Variants in COL19A1 observed in about 807,000 individuals in gnomAD.
The protein encoded by COL19A1 is collagen alpha-1(XIX) chain.
Under a neutral mutation model 190.2 loss-of-function variants are expected in COL19A1, and 159 were observed. The observed-to-expected ratio is 0.84, with a 90% CI of 0.73 to 0.95. The LOEUF is 0.95. COL19A1 is among the 40% of genes least tolerant of loss of function. The pLI is 0.00. For missense variants in COL19A1, 1,418 were observed against 1,431.9 expected, an observed-to-expected ratio of 0.99 and a Z score of 0.16; for synonymous variants, 509 against 458.9, an observed-to-expected ratio of 1.11 and a Z score of -1.39.
At chr6:70,174,360 G>C (rs1172695916) in intron 41 of COL19A1, among the ~76,000 whole-genome samples, 1 of 152,178 alleles carries the variant, frequency 6.6e-6, no homozygotes, top group Non-Finnish European at 1.5e-5. Context: ...CTGAGGTCAG[G>C]AGTTCAAGAC....
At chr6:70,106,286 A>G (rs1783953866) in intron 16 of COL19A1, among the ~76,000 whole-genome samples, 1 of 151,740 alleles carries the variant, frequency 6.6e-6, no homozygotes, top group Non-Finnish European at 1.5e-5. Flanking sequence ...CAAAAGGACA[A>G]CTTGTTTACC....
chr6:69,933,654 A>G (rs1772923302), intron 7 of COL19A1, among the ~76,000 whole-genome samples: 1 of 152,094 alleles, frequency 6.6e-6, no homozygotes, highest in Non-Finnish European at 1.5e-5. Flanking sequence ...CAAGAAAAAT[A>G]CTAAATTCAA....
intron 11 of COL19A1, among the ~76,000 whole-genome samples, chr6:69,994,830 C>T (rs978774056): frequency 2.0e-5 from 3 of 151,990 alleles, no homozygotes; most frequent in African/African-American, 7.3e-5. Context: ...TATCCATTTG[C>T]ATCTGAGAAG....
intron 36 of COL19A1, among the ~76,000 whole-genome samples, chr6:70,164,231 G>C (rs541488132): frequency 1.8e-3 from 276 of 152,300 alleles, no homozygotes; most frequent in African/African-American, 6.0e-3. Context: ...CATTAGATGA[G>C]TCTCAGACAG....
intron 10 of COL19A1, among the ~76,000 whole-genome samples, chr6:69,962,132 T>C (rs1007408993): frequency 1.3e-5 from 2 of 152,200 alleles, no homozygotes; most frequent in Admixed American, 6.5e-5. Flanking sequence ...CTCAGTCAAC[T>C]TTTGTTGAGT....
intron 11 of COL19A1, among the ~76,000 whole-genome samples, chr6:70,020,068 A>G (rs1778334531): frequency 6.6e-6 from 1 of 152,096 alleles, no homozygotes. Context: ...TTCTAGTCCC[A>G]GTATATAGTC....
chr6:70,079,869 GTA>G (rs140333625), intron 15 of COL19A1, among the ~76,000 whole-genome samples: 3 of 151,388 alleles, frequency 2.0e-5, no homozygotes, highest in East Asian at 3.9e-4. Context: ...TCTCATAAGT[GTA>G]TATATATATA....
chr6:69,976,082 G>A (rs1307032927), intron 11 of COL19A1, among the ~76,000 whole-genome samples: 2 of 152,126 alleles, frequency 1.3e-5, no homozygotes, highest in Non-Finnish European at 2.9e-5. Context: ...CTAGGAATCA[G>A]TATGAAACTT....
chr6:70,163,045 G>A (rs1391564030), intron 35 of COL19A1, among the ~76,000 whole-genome samples: 2 of 152,060 alleles, frequency 1.3e-5, no homozygotes, highest in Non-Finnish European at 2.9e-5. Flanking sequence ...ATAATGTTAT[G>A]TAAATTGCCA....
At chr6:69,953,595 G>A (rs1450212157) in intron 9 of COL19A1, among the ~76,000 whole-genome samples, 1 of 151,946 alleles carries the variant, frequency 6.6e-6, no homozygotes, top group Non-Finnish European at 1.5e-5. Flanking sequence ...TCACTCTGCA[G>A]CTGATTTTAT....
chr6:70,143,968 G>T (rs561011857), intron 23 of COL19A1, among the ~76,000 whole-genome samples: 1 of 152,070 alleles, frequency 6.6e-6, no homozygotes, highest in Non-Finnish European at 1.5e-5. Context: ...TGGGTGAGAC[G>T]TTCGGTTCAA....
chr6:70,077,115 T>C (rs2025109), intron 15 of COL19A1, among the ~76,000 whole-genome samples: 29,382 of 152,158 alleles, frequency 0.19, 4,114 homozygotes, highest in African/African-American at 0.37. Flanking sequence ...CAGCAAATTA[T>C]GTTTCCAATA....
chr6:70,136,991 C>T (rs1785912040), intron 18 of COL19A1, among the ~76,000 whole-genome samples: 1 of 152,134 alleles, frequency 6.6e-6, no homozygotes, highest in South Asian at 2.1e-4. Context: ...ATGCACAATG[C>T]TGAGACTCCT....
chr6:70,044,925 T>A (rs1047449351), intron 14 of COL19A1, among the ~76,000 whole-genome samples: 4 of 152,216 alleles, frequency 2.6e-5, no homozygotes, highest in Non-Finnish European at 5.9e-5. Flanking sequence ...TTATTTTATA[T>A]TAAATAGTGT....
chr6:69,997,304 AG>A, intron 11 of COL19A1, among the ~76,000 whole-genome samples: 1 of 152,302 alleles, frequency 6.6e-6, no homozygotes, highest in Admixed American at 6.5e-5. Context: ...ATTTGGACAC[AG>A]GGGTGATCCC....
intron 2 of COL19A1, among the ~76,000 whole-genome samples, chr6:69,882,238 T>C (rs1166754140): frequency 6.6e-6 from 1 of 152,224 alleles, no homozygotes; most frequent in African/African-American, 2.4e-5. Flanking sequence ...AGAGATTCAA[T>C]AATAACTTGA....
intron 11 of COL19A1, among the ~76,000 whole-genome samples, chr6:69,992,435 T>A (rs561763381): frequency 6.6e-6 from 1 of 152,118 alleles, no homozygotes; most frequent in East Asian, 1.9e-4. Flanking sequence ...TTGTTAGTAG[T>A]TTCATTTTGC....
In COL19A1 at chr6:70,209,887, T is replaced by C. The variant is rs906696446; in HGVS notation, c.*2613T>C. The C allele has an allele frequency of 6.6e-6, 1 of 152,194 alleles. No individual in the cohort carries two copies. Among genetic ancestry groups the C allele is most frequent in the Non-Finnish European group, 1.5e-5 (1 of 68,030 alleles). The allele number at this position is 152,194 out of a possible 1,614,324, so 9.4% of individuals were successfully genotyped here. On this transcript the variant is annotated 3_prime_UTR_variant, in exon 51 of 51. Transcript: ENST00000620364. ...CACCTAATTTAACACAAAATGAAGT[T>C]GAGATTCGGCAGTTGCCCAATTCCT...
chr6:69,982,287 G>C lies in COL19A1; in HGVS notation c.1026+19417G>C, dbSNP rs527574652. 1.4e-3 allele frequency among the ~76,000 whole-genome samples: 206 copies of C among 152,002 alleles called. 2 individuals carry two copies. The highest frequency in any genetic ancestry group is 4.6e-3 in the African/African-American group (190 of 41,468). ...GCTCACTGCTACCTCTGTCTCCCAG[G>C]CTGGAGTGCAGTGGCACAGTCTCAG... On this transcript the variant is annotated intron_variant, in intron 11 of 50. Coordinates refer to ENST00000620364, the MANE Select transcript of COL19A1 (RefSeq NM_001858.6).
Sources: allele counts gnomAD v4.1 joint callset (sites outside exome capture counted in the v4.1 genomes callset), GRCh38; gene constraint gnomAD v4.1.1; transcripts MANE v1.5; gene names NCBI Gene and HGNC (gene_info 2026-07-23, HGNC 2026-07-21).